Variants in NOTCH2NLB observed in about 807,000 individuals in gnomAD.
NOTCH2NLB encodes notch homolog 2 N-terminal-like protein B.
In NOTCH2NLB, 1 loss-of-function variant was observed where a neutral mutation model predicts 14.8. The observed-to-expected ratio is 0.07, with a 90% CI of 0.02 to 0.32. NOTCH2NLB has a LOEUF of 0.32. Ranked by LOEUF, NOTCH2NLB falls within the 10% of genes least tolerant of loss-of-function variation. The pLI, the probability that NOTCH2NLB is intolerant of heterozygous loss-of-function variation, is 1.00. For synonymous variants in NOTCH2NLB, 6 were observed against 57.5 expected (o/e 0.10, Z 4.05); for missense variants, 11 against 155.0 (o/e 0.07, Z 4.93).
intron 3 of NOTCH2NLB, among the ~76,000 whole-genome samples, chr1:148,610,309 A>AAG (rs1663645012): frequency 5.6e-5 from 5 of 89,902 alleles, no homozygotes; most frequent in East Asian, 5.9e-4. Flanking sequence ...AAGAGAGAGA[A>AAG]AGAGAGAAAG....
chr1:148,660,571 C>A (rs1404806005), intron 1 of NOTCH2NLB, among the ~76,000 whole-genome samples: 2 of 143,376 alleles, frequency 1.4e-5, no homozygotes, highest in East Asian at 2.0e-4. Context: ...AAAAACATGG[C>A]CTTGTCTCTA....
chr1:148,610,319 GAGAGAGAA>G (rs1663646611), intron 3 of NOTCH2NLB, among the ~76,000 whole-genome samples: 1 of 54,972 alleles, frequency 1.8e-5, no homozygotes, highest in African/African-American at 8.5e-5. Flanking sequence ...AAGAGAGAAA[GAGAGAGAA>G]AGAAAGAAAG....
At chr1:148,674,770 C>T (rs1206935651) in intron 1 of NOTCH2NLB, among the ~76,000 whole-genome samples, 1 of 123,502 alleles carries the variant, frequency 8.1e-6, no homozygotes, top group African/African-American at 2.8e-5. Context: ...GCAGAGACAA[C>T]TCAACACCAT....
chr1:148,613,108 C>T (rs1170362121), intron 3 of NOTCH2NLB, among the ~76,000 whole-genome samples: 1 of 147,356 alleles, frequency 6.8e-6, no homozygotes, highest in Non-Finnish European at 1.5e-5. Context: ...TTTTCTTTCT[C>T]CTTTATCATG....
In NOTCH2NLB at chr1:148,623,905, T is replaced by C. The variant is rs1433105782; in HGVS notation, c.78-7955A>G. Among the ~76,000 whole-genome samples, 2 of 82,174 alleles carry C rather than the reference T, an allele frequency of 2.4e-5. 1 individual carries two copies. The highest frequency in any genetic ancestry group is 4.0e-5 in the Non-Finnish European group (2 of 49,522). The allele number at this position is 82,174 out of a possible 152,430, so 53.9% of individuals were successfully genotyped here. A position where few individuals can be genotyped will look rare whatever the true frequency, so the allele number is the denominator to read the frequency against. On this transcript the variant is annotated intron_variant, in intron 2 of 4. Coordinates refer to ENST00000593495, the Ensembl canonical transcript of NOTCH2NLB. ...AATGTTCCACAAAATCCATCTCTAC[T>C]CTGTGATCTGTCTGGTAGAATAACA...
At chr1:148,646,828 CA>C (rs1401868532) in intron 1 of NOTCH2NLB, among the ~76,000 whole-genome samples, 2 of 150,056 alleles carry the variant, frequency 1.3e-5, no homozygotes. Context: ...TCAGGTTTAT[CA>C]GCCCCAATTA....
the NOTCH2NLB span, among the ~76,000 whole-genome samples, chr1:148,700,905 A>G: frequency 1.5e-5 from 1 of 64,874 alleles, no homozygotes; most frequent in Admixed American, 1.7e-4. Context: ...TTTTGCTTTT[A>G]TTGAAATTGC....
At chr1:148,645,870 T>C (rs1383238729) in intron 1 of NOTCH2NLB, among the ~76,000 whole-genome samples, 23 of 150,756 alleles carry the variant, frequency 1.5e-4, no homozygotes, top group Middle Eastern at 7.1e-3. Context: ...AAACATTTCG[T>C]CTTTTCTGAG....
At chr1:148,698,278 C>A in the NOTCH2NLB span, among the ~76,000 whole-genome samples, 1 of 64,028 alleles carries the variant, frequency 1.6e-5, no homozygotes, top group South Asian at 8.3e-4. Flanking sequence ...AAAACAAAAA[C>A]TGTGGTTAGA....
chr1:148,627,753 C>T (rs1293434988), intron 2 of NOTCH2NLB, among the ~76,000 whole-genome samples: 2 of 150,020 alleles, frequency 1.3e-5, no homozygotes, highest in African/African-American at 4.9e-5. Context: ...GCCTGTGTTA[C>T]TCATTAGCCC....
In NOTCH2NLB at chr1:148,633,316, G is replaced by A. The variant is rs1461309768; in HGVS notation, c.77+6700C>T. Among the ~76,000 whole-genome samples, 3 of 118,178 alleles carry A rather than the reference G, an allele frequency of 2.5e-5. 1 individual carries two copies. Among genetic ancestry groups the A allele is most frequent in the Non-Finnish European group, 5.1e-5 (3 of 59,270 alleles). The allele number at this position is 118,178 out of a possible 152,430, so 77.5% of individuals were successfully genotyped here. A position where few individuals can be genotyped will look rare whatever the true frequency, so the allele number is the denominator to read the frequency against. ...CGCCTGTAATCCCAGCACTTTGGGA[G>A]GCCGAGGCGGGCAGATCATGAGGTC... On this transcript the variant is annotated intron_variant, in intron 2 of 4. Coordinates refer to ENST00000593495, the Ensembl canonical transcript of NOTCH2NLB.
At position 148,638,675 on chromosome 1, in the gene NOTCH2NLB, G is replaced by C. The variant is rs1664272655; in HGVS notation, c.77+1341C>G. On this transcript the variant is annotated intron_variant, in intron 2 of 4. Coordinates refer to ENST00000593495, the Ensembl canonical transcript of NOTCH2NLB. ...AAACAACCTATTGTTAAGCTTTACTGTCATCACAGCTTAATTTTCACTTTA... is the reference window on the plus strand; with the variant it reads ...AAACAACCTATTGTTAAGCTTTACTCTCATCACAGCTTAATTTTCACTTTA... Among the ~76,000 whole-genome samples the C allele has an allele frequency of 6.7e-5, 10 of 148,958 alleles. No homozygotes were observed. The South Asian group carries it at 2.1e-3, about 32-fold the overall frequency.
At chr1:148,637,055 C>A (rs1412490742) in intron 2 of NOTCH2NLB, among the ~76,000 whole-genome samples, 1 of 108,658 alleles carries the variant, frequency 9.2e-6, no homozygotes, top group Non-Finnish European at 1.7e-5. Flanking sequence ...AGAATTTAGG[C>A]AGCTCCATTT....
intron 2 of NOTCH2NLB, among the ~76,000 whole-genome samples, chr1:148,637,613 T>C (rs1166922554): frequency 6.8e-6 from 1 of 147,520 alleles, no homozygotes; most frequent in African/African-American, 2.6e-5. Context: ...TTGGGATACA[T>C]GTGCAGAATG....
chr1:148,604,988 CACAT>C (rs1281900507), downstream of NOTCH2NLB, among the ~76,000 whole-genome samples: 5 of 136,824 alleles, frequency 3.7e-5, no homozygotes, highest in Admixed American at 7.3e-5. Flanking sequence ...CACACACACA[CACAT>C]TGATATGTAA....
At chr1:148,660,535 G>C (rs1299335141) in intron 1 of NOTCH2NLB, among the ~76,000 whole-genome samples, 2 of 146,514 alleles carry the variant, frequency 1.4e-5, no homozygotes, top group Admixed American at 6.8e-5. Context: ...AGATCTCATG[G>C]GGTCTCTGTC....
At chr1:148,636,893 A>T (rs1168681894) in intron 2 of NOTCH2NLB, among the ~76,000 whole-genome samples, 4 of 145,378 alleles carry the variant, frequency 2.8e-5, no homozygotes, top group Non-Finnish European at 6.0e-5. Flanking sequence ...TTTGTTGTTC[A>T]TCTTGATCTC....
intron 1 of NOTCH2NLB, among the ~76,000 whole-genome samples, chr1:148,661,692 G>A (rs1349903377): frequency 1.4e-5 from 2 of 146,560 alleles, no homozygotes; most frequent in Non-Finnish European, 3.1e-5. Flanking sequence ...GCCTTGATGT[G>A]CTAGATAAAA....
chr1:148,712,306 AAG>A, the NOTCH2NLB span, among the ~76,000 whole-genome samples: 1 of 139,458 alleles, frequency 7.2e-6, no homozygotes, highest in South Asian at 2.6e-4. Flanking sequence ...ACCTGAGCAG[AAG>A]AGAGAGTCCA....
Sources: gnomAD v4.1 joint callset for allele counts (sites outside exome capture counted in the v4.1 genomes callset) on GRCh38, gnomAD v4.1.1 for gene constraint, MANE v1.5 for transcripts, NCBI Gene and HGNC (gene_info 2026-07-23, HGNC 2026-07-21) for gene names.